The following AGBL4 variants were observed in gnomAD, a reference collection of about 807,000 sequenced individuals.
The protein encoded by AGBL4 is AGBL carboxypeptidase 4.
A neutral mutation model predicts 66.4 loss-of-function variants in AGBL4; 58 were observed. The observed-to-expected ratio is 0.87, with a 90% CI of 0.71 to 1.09. The LOEUF is 1.09. AGBL4 is among the 50% of genes least tolerant of loss of function. AGBL4 has a pLI of 0.00. For synonymous variants in AGBL4, 234 were observed against 222.9 expected, an observed-to-expected ratio of 1.05 and a Z score of -0.44; for missense variants, 579 against 631.0, an observed-to-expected ratio of 0.92 and a Z score of 0.88.
At chr1:48,589,670 T>C (rs1363209604) in intron 10 of AGBL4, among the ~76,000 whole-genome samples, 1 of 152,228 alleles carries the variant, frequency 6.6e-6, no homozygotes, top group Non-Finnish European at 1.5e-5. Context: ...CTGGAGTTTG[T>C]TAAGGTCTTT....
intron 4 of AGBL4, among the ~76,000 whole-genome samples, chr1:49,129,420 G>A (rs527811002): frequency 8.4e-4 from 127 of 151,362 alleles, no homozygotes; most frequent in Non-Finnish European, 1.3e-3. Flanking sequence ...CCATTAACTC[G>A]TCATTTAGCA....
intron 3 of AGBL4, among the ~76,000 whole-genome samples, chr1:49,591,492 TC>T (rs1644750715): frequency 6.6e-6 from 1 of 152,134 alleles, no homozygotes; most frequent in African/African-American, 2.4e-5. Flanking sequence ...TCATTCTCTA[TC>T]GTTAAAATGA....
At chr1:49,994,811 A>G (rs1660239027) in intron 1 of AGBL4, 9 of 304,412 alleles carry the variant, frequency 3.0e-5, no homozygotes, top group South Asian at 2.8e-4. Context: ...GAAAAGCTGT[A>G]AGTGCCCAAA....
rs558780271 is a variant in AGBL4 at position 48,595,457 on chromosome 1, C to T, written c.952-4472G>A. ...ACCAGGTACTTTTCTGTGGCTGTGC[C>T]GGGCCAAGGGGTGTGTGTCACAAAT... On this transcript the variant is annotated intron_variant, in intron 9 of 13. Transcript: ENST00000371839. Among the ~76,000 whole-genome samples the T allele has an allele frequency of 3.9e-5, 6 of 152,288 alleles. No individual in the cohort carries two copies. In the East Asian group the frequency reaches 5.8e-4, roughly 15 times the overall value.
At chr1:49,065,556 G>T (rs1644477683) in intron 4 of AGBL4, among the ~76,000 whole-genome samples, 1 of 152,184 alleles carries the variant, frequency 6.6e-6, no homozygotes, top group Non-Finnish European at 1.5e-5. Context: ...GCAGGGAATG[G>T]AGTGGGATTT....
intron 5 of AGBL4, among the ~76,000 whole-genome samples, chr1:49,014,964 T>A (rs952735391): frequency 6.6e-6 from 1 of 152,204 alleles, no homozygotes; most frequent in Non-Finnish European, 1.5e-5. Flanking sequence ...CTTCTTACAG[T>A]CTTTCTCTTT....
intron 1 of AGBL4, among the ~76,000 whole-genome samples, chr1:50,012,090 C>T (rs565717382): frequency 3.4e-5 from 5 of 147,210 alleles, no homozygotes; most frequent in East Asian, 2.0e-4. Context: ...ACCTGGGAAG[C>T]GGAGCTTGCA....
intron 2 of AGBL4, among the ~76,000 whole-genome samples, chr1:49,779,108 A>G (rs1014513372): frequency 2.0e-5 from 3 of 152,216 alleles, no homozygotes; most frequent in South Asian, 2.1e-4. Flanking sequence ...AATAAGAAAG[A>G]GCTGAGCTGA....
At chr1:49,121,500 T>C (rs1335743206) in intron 4 of AGBL4, among the ~76,000 whole-genome samples, 1 of 152,184 alleles carries the variant, frequency 6.6e-6, no homozygotes, top group Non-Finnish European at 1.5e-5. Flanking sequence ...GGAGGTCCAC[T>C]CCAGAACCTG....
At chr1:48,622,334 C>T (rs1645426828) in intron 9 of AGBL4, among the ~76,000 whole-genome samples, 1 of 152,156 alleles carries the variant, frequency 6.6e-6, no homozygotes, top group African/African-American at 2.4e-5. Flanking sequence ...GATGACCCTA[C>T]TTTACCCACA....
At chr1:49,590,567 T>C (rs1360532466) in intron 3 of AGBL4, among the ~76,000 whole-genome samples, 1 of 152,048 alleles carries the variant, frequency 6.6e-6, no homozygotes, top group Non-Finnish European at 1.5e-5. Context: ...TCTTAATACA[T>C]TTCTATATAC....
chr1:48,609,635 C>T (rs558996752), intron 9 of AGBL4, among the ~76,000 whole-genome samples: 1 of 152,210 alleles, frequency 6.6e-6, no homozygotes, highest in South Asian at 2.1e-4. Context: ...GTTGCCTAGG[C>T]TGGTCTTGAA....
chr1:49,781,127 C>T (rs1410236198), intron 2 of AGBL4, among the ~76,000 whole-genome samples: 3 of 152,102 alleles, frequency 2.0e-5, no homozygotes, highest in Non-Finnish European at 4.4e-5. Flanking sequence ...TGATGGCGCA[C>T]ACCTAAAATC....
At chr1:48,641,976 A>C (rs1645763046) in intron 8 of AGBL4, among the ~76,000 whole-genome samples, 1 of 152,096 alleles carries the variant, frequency 6.6e-6, no homozygotes, top group Non-Finnish European at 1.5e-5. Flanking sequence ...ACGCAAACTG[A>C]CGAAAGGTGC....
intron 1 of AGBL4, among the ~76,000 whole-genome samples, chr1:49,940,914 T>A (rs1313418403): frequency 2.0e-5 from 3 of 151,946 alleles, no homozygotes; most frequent in Non-Finnish European, 4.4e-5. Context: ...AAAATAAAAT[T>A]ATTAAACTTT....
At chr1:49,829,585 G>C (rs1287354930) in intron 2 of AGBL4, among the ~76,000 whole-genome samples, 1 of 152,036 alleles carries the variant, frequency 6.6e-6, no homozygotes, top group South Asian at 2.1e-4. Flanking sequence ...ATTTTTACTG[G>C]AAATCTTTCC....
intron 3 of AGBL4, among the ~76,000 whole-genome samples, chr1:49,665,443 A>G (rs1468575807): frequency 6.6e-6 from 1 of 152,192 alleles, no homozygotes; most frequent in Non-Finnish European, 1.5e-5. Context: ...CATCTGTTAA[A>G]TAGAAATAAT....
intron 6 of AGBL4, among the ~76,000 whole-genome samples, chr1:48,733,769 A>T (rs920828234): frequency 1.3e-5 from 2 of 152,180 alleles, no homozygotes; most frequent in East Asian, 3.9e-4. Context: ...TTTACAAGAA[A>T]TCACACAAAA....
intron 6 of AGBL4, among the ~76,000 whole-genome samples, chr1:48,750,713 A>AGG (rs1651583345): frequency 7.2e-5 from 11 of 152,238 alleles, no homozygotes; most frequent in Non-Finnish European, 1.3e-4. Context: ...AGAGCTATCC[A>AGG]ATAATGAGAT....
Sources: gnomAD v4.1 joint callset for allele counts (sites outside exome capture counted in the v4.1 genomes callset) on GRCh38, gnomAD v4.1.1 for gene constraint, MANE v1.5 for transcripts, NCBI Gene and HGNC (gene_info 2026-07-23, HGNC 2026-07-21) for gene names.